The following PEPD variants were observed in gnomAD, a reference collection of about 807,000 sequenced individuals.
The protein encoded by PEPD is xaa-Pro dipeptidase.
A neutral mutation model predicts 60.7 loss-of-function variants in PEPD; 53 were observed. That is an observed-to-expected ratio of 0.87 (90% CI 0.70 to 1.10). The LOEUF (loss-of-function observed/expected upper bound fraction) is 1.10. Ranked by LOEUF, PEPD falls within the 50% of genes least tolerant of loss-of-function variation. The pLI is 0.00. For synonymous variants in PEPD, 267 were observed against 284.1 expected (o/e 0.94, Z 0.60); for missense variants, 711 against 711.9 (o/e 1.00, Z 0.01).
intron 9 of PEPD, among the ~76,000 whole-genome samples, chr19:33,427,672 C>T (rs1448187599): frequency 2.6e-5 from 4 of 152,130 alleles, no homozygotes; most frequent in African/African-American, 9.7e-5. Context: ...TTAAATAATC[C>T]ATTTTTAATT....
At chr19:33,435,639 T>C (rs1337383062) in intron 9 of PEPD, among the ~76,000 whole-genome samples, 1 of 152,196 alleles carries the variant, frequency 6.6e-6, no homozygotes, top group Admixed American at 6.5e-5. Context: ...GCTGCGCTTG[T>C]AAAGTGGGAG....
intron 12 of PEPD, among the ~76,000 whole-genome samples, chr19:33,399,980 T>C (rs1968450836): frequency 6.6e-6 from 1 of 152,124 alleles, no homozygotes; most frequent in Non-Finnish European, 1.5e-5. Flanking sequence ...GCGGCAGAGC[T>C]GGGGCTGGGC....
chr19:33,453,111 C>A (rs1969727141), intron 9 of PEPD, among the ~76,000 whole-genome samples: 1 of 151,848 alleles, frequency 6.6e-6, no homozygotes, highest in African/African-American at 2.4e-5. Context: ...CGCTTGAGTC[C>A]AGGAGTTGGA....
chr19:33,457,790 A>G (rs1358942840), intron 9 of PEPD, among the ~76,000 whole-genome samples: 1 of 152,272 alleles, frequency 6.6e-6, no homozygotes, highest in East Asian at 1.9e-4. Flanking sequence ...AATTACAGGC[A>G]TGAGCCACCA....
intron 9 of PEPD, among the ~76,000 whole-genome samples, chr19:33,435,131 C>T (rs894684789): frequency 7.2e-5 from 11 of 152,166 alleles, no homozygotes; most frequent in African/African-American, 2.4e-4. Context: ...CTCATCCATC[C>T]GGCATCTCCA....
chr19:33,482,620 T>C (rs1048520954), intron 6 of PEPD, among the ~76,000 whole-genome samples: 2 of 152,166 alleles, frequency 1.3e-5, no homozygotes, highest in Admixed American at 6.5e-5. Context: ...AGAAAAGACA[T>C]GAAAGGCATC....
At chr19:33,477,464 A>G (rs773391943) in intron 7 of PEPD, among the ~76,000 whole-genome samples, 7 of 152,218 alleles carry the variant, frequency 4.6e-5, no homozygotes, top group South Asian at 2.1e-4. Context: ...GCTGCTGTCA[A>G]AGAGCAATGC....
At chr19:33,472,871 T>C (rs1970149561) in intron 7 of PEPD, among the ~76,000 whole-genome samples, 1 of 152,038 alleles carries the variant, frequency 6.6e-6, no homozygotes, top group African/African-American at 2.4e-5. Flanking sequence ...GCAACAACTA[T>C]CCCTCCCACA....
chr19:33,520,178 A>C (rs1480871128), intron 1 of PEPD, among the ~76,000 whole-genome samples: 1 of 152,166 alleles, frequency 6.6e-6, no homozygotes, highest in Non-Finnish European at 1.5e-5. Context: ...AGCAGGTCTC[A>C]GGCCAGCTTG....
chr19:33,506,536 C>G (rs1367709293), intron 3 of PEPD, among the ~76,000 whole-genome samples: 2 of 149,402 alleles, frequency 1.3e-5, no homozygotes, highest in African/African-American at 2.5e-5. Flanking sequence ...ACCCTACACA[C>G]CACACACACA....
Position 33,518,778 on chromosome 19 carries a change from G to A in PEPD, c.17+2966C>T, listed in dbSNP as rs567277566. Among the ~76,000 whole-genome samples the A allele has an allele frequency of 2.2e-4, 33 of 152,264 alleles. No homozygotes were observed. In the South Asian group the frequency reaches 6.8e-3, roughly 32 times the overall value. ...CAGGGGTTCTAAGGATGCTAGGAGA[G>A]GCATGAAGGGAAGCAACTCCTAACC... On this transcript the variant is annotated intron_variant, in intron 1 of 14. Transcript: ENST00000244137.
At chr19:33,474,126 C>T (rs1183783328) in intron 7 of PEPD, among the ~76,000 whole-genome samples, 1 of 152,132 alleles carries the variant, frequency 6.6e-6, no homozygotes, top group Non-Finnish European at 1.5e-5. Context: ...CCCTACTATA[C>T]CCTGGCCCCA....
intron 9 of PEPD, among the ~76,000 whole-genome samples, chr19:33,425,092 A>T (rs1969111962): frequency 6.6e-6 from 1 of 152,168 alleles, no homozygotes; most frequent in Non-Finnish European, 1.5e-5. Context: ...GCCAGAGGCC[A>T]GGTGCAGTGG....
chr19:33,457,197 C>T (rs999829699), intron 9 of PEPD, among the ~76,000 whole-genome samples: 36 of 151,894 alleles, frequency 2.4e-4, no homozygotes, highest in African/African-American at 8.0e-4. Context: ...TGTGGGAGAC[C>T]AAGGCAGCAG....
intron 9 of PEPD, among the ~76,000 whole-genome samples, chr19:33,461,166 G>A (rs1420907968): frequency 6.6e-6 from 1 of 152,170 alleles, no homozygotes; most frequent in East Asian, 1.9e-4. Flanking sequence ...TACCTACTGA[G>A]GTATTTACAG....
At chr19:33,457,713 C>T (rs375568198) in intron 9 of PEPD, among the ~76,000 whole-genome samples, 49 of 152,322 alleles carry the variant, frequency 3.2e-4, no homozygotes, top group African/African-American at 1.1e-3. Context: ...GGTTTCACCG[C>T]GTTAGCCAGG....
At chr19:33,471,442 C>G (rs1970118256) in intron 7 of PEPD, among the ~76,000 whole-genome samples, 1 of 152,208 alleles carries the variant, frequency 6.6e-6, no homozygotes, top group African/African-American at 2.4e-5. Flanking sequence ...GAGGAATGCA[C>G]CACCCTGAAT....
chr19:33,440,046 T>C (rs1279480287), intron 9 of PEPD, among the ~76,000 whole-genome samples: 1 of 152,132 alleles, frequency 6.6e-6, no homozygotes, highest in African/African-American at 2.4e-5. Context: ...TGACACTGGC[T>C]TTTCCTCAAG....
intron 4 of PEPD, among the ~76,000 whole-genome samples, chr19:33,494,795 ACAGCG>A (rs1970569289): frequency 1.3e-5 from 2 of 152,250 alleles, no homozygotes; most frequent in African/African-American, 4.8e-5. Context: ...TTAAAAAATA[ACAGCG>A]CAGCCCAGAT....
Sources: allele counts gnomAD v4.1 joint callset (sites outside exome capture counted in the v4.1 genomes callset), GRCh38; gene constraint gnomAD v4.1.1; transcripts MANE v1.5; gene names NCBI Gene and HGNC (gene_info 2026-07-23, HGNC 2026-07-21).